The following FNIP1 variants were observed in gnomAD, a reference collection of about 807,000 sequenced individuals.
FNIP1 encodes folliculin interacting protein 1.
In FNIP1, 40 loss-of-function variants were observed where a neutral mutation model predicts 124.5. The ratio of observed to expected loss-of-function variants is 0.32; its 90% CI spans 0.25 to 0.42. The LOEUF (loss-of-function observed/expected upper bound fraction) is 0.42, where lower values mean the gene tolerates loss of function less well. Ranked by LOEUF, FNIP1 falls within the 10% of genes least tolerant of loss-of-function variation. The pLI, the probability that FNIP1 is intolerant of heterozygous loss-of-function variation, is 1.00. For synonymous variants in FNIP1, 472 were observed against 470.6 expected (o/e 1.00, Z -0.04); for missense variants, 1,176 against 1,403.7 (o/e 0.84, Z 2.59).
intron 8 of FNIP1, among the ~76,000 whole-genome samples, chr5:131,708,121 ATTTTG>A (rs1769175122): frequency 6.6e-6 from 1 of 152,294 alleles, no homozygotes; most frequent in African/African-American, 2.4e-5. Flanking sequence ...TAGGTTTTGC[ATTTTG>A]TTTTGTTTCA....
chr5:131,750,649 G>A (rs1770842892), intron 1 of FNIP1, among the ~76,000 whole-genome samples: 1 of 145,530 alleles, frequency 6.9e-6, no homozygotes, highest in African/African-American at 2.6e-5. Context: ...GTCTCTCTCT[G>A]TCTCTCAGGC....
intron 11 of FNIP1, among the ~76,000 whole-genome samples, chr5:131,681,780 G>T (rs1332693591): frequency 5.4e-5 from 6 of 112,138 alleles, no homozygotes; most frequent in African/African-American, 1.8e-4. Flanking sequence ...AAAAAAAAAC[G>T]GATTCCAGAG....
At chr5:131,666,839 GC>G (rs1767617606) in intron 15 of FNIP1, among the ~76,000 whole-genome samples, 1 of 152,126 alleles carries the variant, frequency 6.6e-6, no homozygotes, top group African/African-American at 2.4e-5. Context: ...CCAACGCCAG[GC>G]TTTCACAGAG....
intron 11 of FNIP1, among the ~76,000 whole-genome samples, chr5:131,681,600 G>T (rs548824638): frequency 6.6e-6 from 1 of 151,578 alleles, no homozygotes; most frequent in Admixed American, 6.6e-5. Context: ...GTATGGTAGA[G>T]AATCTAATTT....
chr5:131,777,520 C>A (rs951345505), intron 1 of FNIP1, among the ~76,000 whole-genome samples: 2 of 151,910 alleles, frequency 1.3e-5, no homozygotes, highest in African/African-American at 4.8e-5. Flanking sequence ...CCCAACCAGC[C>A]AAAGATGATT....
At chr5:131,768,803 A>G (rs1001532784) in intron 1 of FNIP1, among the ~76,000 whole-genome samples, 1 of 152,328 alleles carries the variant, frequency 6.6e-6, no homozygotes, top group East Asian at 1.9e-4. Context: ...CGTCTCAAAA[A>G]CTAATAATAA....
chr5:131,765,609 G>C (rs1415676848), intron 1 of FNIP1, among the ~76,000 whole-genome samples: 1 of 152,168 alleles, frequency 6.6e-6, no homozygotes, highest in Non-Finnish European at 1.5e-5. Flanking sequence ...CTTTTAATCT[G>C]CGTGTAAATA....
At chr5:131,740,344 A>G (rs1258499153) in intron 2 of FNIP1, among the ~76,000 whole-genome samples, 1 of 152,220 alleles carries the variant, frequency 6.6e-6, no homozygotes, top group African/African-American at 2.4e-5. Flanking sequence ...TGATATCATA[A>G]ATAAGACTCA....
chr5:131,743,026 C>T (rs1770561803), intron 2 of FNIP1, among the ~76,000 whole-genome samples: 1 of 151,884 alleles, frequency 6.6e-6, no homozygotes, highest in Non-Finnish European at 1.5e-5. Context: ...TTTTCCCAGT[C>T]TAGTAACAAA....
At chr5:131,792,734 T>C (rs867321306) in intron 1 of FNIP1, among the ~76,000 whole-genome samples, 5 of 152,190 alleles carry the variant, frequency 3.3e-5, no homozygotes, top group African/African-American at 1.2e-4. Flanking sequence ...CATTAAAAAG[T>C]ACTGTATAAA....
intron 1 of FNIP1, chr5:131,796,046 C>T (rs193030378): frequency 1.3e-5 from 2 of 152,318 alleles, no homozygotes; most frequent in Admixed American, 1.3e-4. Flanking sequence ...CTGCCAGCAA[C>T]AGGTACTACA....
Position 131,718,993 on chromosome 5 carries a change from G to A in FNIP1, c.523C>T (p.Leu175Phe). Residue 175 changes from leucine to phenylalanine, a missense_variant, in exon 5 of 18, where the codon CTC becomes TTC. Around this residue, in one of 2 missense-constraint regions of FNIP1, gnomAD observed 1,109 missense variants for 1,288.5 expected, o/e 0.86. Transcript: ENST00000510461. ...ARTGSSICGSLNTLQDSLEFI... is the reference protein window; with the variant it reads ...ARTGSSICGSFNTLQDSLEFI... ...GTATCCATAAGCACTTACGTATTGA[G>A]ACTCCCACAAATACTGCTGCCAGTC... is the stretch of plus-strand genomic sequence containing the variant. The A allele has an allele frequency of 6.2e-7, 1 of 1,612,984 alleles. No individual in the cohort carries two copies. Among genetic ancestry groups the A allele is most frequent in the Non-Finnish European group, 8.5e-7 (1 of 1,179,160 alleles).
At chr5:131,780,849 C>T (rs1771973239) in intron 1 of FNIP1, among the ~76,000 whole-genome samples, 1 of 152,170 alleles carries the variant, frequency 6.6e-6, no homozygotes, top group South Asian at 2.1e-4. Context: ...ACAATGGCCT[C>T]TAAGTGTTCC....
At chr5:131,752,137 C>A (rs556464857) in intron 1 of FNIP1, among the ~76,000 whole-genome samples, 3 of 152,016 alleles carry the variant, frequency 2.0e-5, no homozygotes, top group Non-Finnish European at 4.4e-5. Context: ...TCCGCCTCTC[C>A]GGTTCGCGCC....
intron 6 of FNIP1, among the ~76,000 whole-genome samples, chr5:131,711,023 T>G (rs554244467): frequency 6.6e-6 from 1 of 152,348 alleles, no homozygotes; most frequent in Admixed American, 6.5e-5. Context: ...AATCTGATAT[T>G]TGCCAAATAA....
At chr5:131,663,388 C>CG (rs1767504055) in intron 15 of FNIP1, among the ~76,000 whole-genome samples, 2 of 151,950 alleles carry the variant, frequency 1.3e-5, no homozygotes, top group African/African-American at 4.8e-5. Flanking sequence ...TTATATGTGT[C>CG]ATGTGTGTGA....
chr5:131,644,839 A>C, intron 17 of FNIP1, 76 bp from the exon 18 acceptor site: 2 of 1,394,944 alleles, frequency 1.4e-6, no homozygotes, highest in Non-Finnish European at 2.0e-6. Context: ...AATGACCACC[A>C]ACTGTAAGGT....
chr5:131,752,522 T>G (rs1770909018), intron 1 of FNIP1, among the ~76,000 whole-genome samples: 1 of 138,452 alleles, frequency 7.2e-6, no homozygotes, highest in South Asian at 2.4e-4. Context: ...TTATAAAAAT[T>G]TTAAACCTGA....
At chr5:131,761,294 A>G (rs1771222477) in intron 1 of FNIP1, among the ~76,000 whole-genome samples, 1 of 152,190 alleles carries the variant, frequency 6.6e-6, no homozygotes, top group Non-Finnish European at 1.5e-5. Flanking sequence ...CAGGAGAAAG[A>G]AAAAGAGGGC....
Sources: gnomAD v4.1 joint callset for allele counts (sites outside exome capture counted in the v4.1 genomes callset) on GRCh38, gnomAD v4.1.1 for gene constraint, gnomAD v4.1.1 regional missense constraint, MANE v1.5 for transcripts, NCBI Gene and HGNC (gene_info 2026-07-23, HGNC 2026-07-21) for gene names.